The following NFAM1 variants were observed in gnomAD, a reference collection of about 807,000 sequenced individuals.
NFAM1 encodes NFAT activating protein with ITAM motif 1.
Under a neutral mutation model 29.0 loss-of-function variants are expected in NFAM1, and 17 were observed. The ratio of observed to expected loss-of-function variants is 0.59; its 90% CI spans 0.40 to 0.88. The LOEUF is 0.88. NFAM1 is among the 40% of genes least tolerant of loss of function. The pLI is 0.00. For synonymous variants in NFAM1, 175 were observed against 147.2 expected, an observed-to-expected ratio of 1.19 and a Z score of -1.36; for missense variants, 324 against 344.6, an observed-to-expected ratio of 0.94 and a Z score of 0.47.
intron 2 of NFAM1, among the ~76,000 whole-genome samples, chr22:42,410,890 C>T (rs1231068538): frequency 6.6e-6 from 1 of 152,164 alleles, no homozygotes; most frequent in Admixed American, 6.5e-5. Context: ...GATCTGCATG[C>T]CCGGCCCTGC....
chr22:42,390,845 A>T (rs1372623870), intron 4 of NFAM1, among the ~76,000 whole-genome samples: 2 of 145,964 alleles, frequency 1.4e-5, no homozygotes, highest in African/African-American at 2.5e-5. Context: ...AAGAGGGAGC[A>T]GCCGTGGCCA....
At chr22:42,413,021 C>A (rs1218816993) in intron 1 of NFAM1, among the ~76,000 whole-genome samples, 1 of 152,198 alleles carries the variant, frequency 6.6e-6, no homozygotes, top group East Asian at 1.9e-4. Context: ...CTGTTTGGAT[C>A]CTGGGCTGGG....
intron 2 of NFAM1, 22 bp downstream of exon 2, chr22:42,411,385 A>G (rs376924062): frequency 6.0e-5 from 95 of 1,584,238 alleles, no homozygotes; most frequent in Non-Finnish European, 7.5e-5. Flanking sequence ...TTGCCCTGGA[A>G]GAGCCACAGA....
At position 42,411,494 on chromosome 22, in the gene NFAM1, C is replaced by T; in HGVS notation, c.364G>A (p.Gly122Arg). Reference sequence around the variant, plus strand: ...TAGTAGGTGCCAGTGGCCGATGCTCCCGGCAGCACAAGGGTGACCTGGCAG... The same window carrying T: ...TAGTAGGTGCCAGTGGCCGATGCTCTCGGCAGCACAAGGGTGACCTGGCAG... ...LDCQVTLVLP[G>R]ASATGTYYCS... is the part of the protein sequence containing the mutation. The change falls in exon 2 of 6, where the codon GGA becomes AGA. Residue 122 changes from glycine to arginine, a missense_variant. Transcript: ENST00000329021. 1 of 1,614,148 alleles carries T rather than the reference C, an allele frequency of 6.2e-7. No individual in the cohort carries two copies. The highest frequency in any genetic ancestry group is 8.5e-7 in the Non-Finnish European group (1 of 1,180,022).
At chr22:42,416,833 C>T (rs747290851) in intron 1 of NFAM1, among the ~76,000 whole-genome samples, 4 of 152,186 alleles carry the variant, frequency 2.6e-5, no homozygotes, top group Admixed American at 6.5e-5. Context: ...CATGGGATAA[C>T]GTGGTCCGGG....
rs903069430 is a variant in NFAM1 at position 42,419,918 on chromosome 22, G to C, written c.122-8182C>G. On this transcript the variant is annotated intron_variant, in intron 1 of 5. Coordinates refer to ENST00000329021, the MANE Select transcript of NFAM1 (RefSeq NM_145912.8). The surrounding 1 kb of genome is among the most constrained non-coding windows in gnomAD (Gnocchi z 4.5). ...AAACTGAGGCTCAGAGAAGGCAAGAGGTTTGCCCAAATTGCAGTGGTAGAC... is the reference window on the plus strand; with the variant it reads ...AAACTGAGGCTCAGAGAAGGCAAGACGTTTGCCCAAATTGCAGTGGTAGAC... Among the ~76,000 whole-genome samples the C allele has an allele frequency of 1.3e-5, 2 of 150,318 alleles. No homozygotes were observed. Among genetic ancestry groups the C allele is most frequent in the African/African-American group, 2.4e-5 (1 of 40,994 alleles).
intron 1 of NFAM1, among the ~76,000 whole-genome samples, chr22:42,425,586 C>T (rs1281166604): frequency 6.6e-6 from 1 of 152,184 alleles, no homozygotes; most frequent in African/African-American, 2.4e-5. Flanking sequence ...TCCTGCCCGC[C>T]ACAGGATGCT....
chr22:42,435,339 CT>C (rs1930912979), upstream of NFAM1, among the ~76,000 whole-genome samples: 5 of 135,066 alleles, frequency 3.7e-5, no homozygotes, highest in African/African-American at 1.6e-4. Context: ...TTTTCTTTTT[CT>C]TTTCTTTCTT....
At chr22:42,392,305 T>C (rs2147093132) in intron 4 of NFAM1, among the ~76,000 whole-genome samples, 1 of 151,960 alleles carries the variant, frequency 6.6e-6, no homozygotes, top group African/African-American at 2.4e-5. Flanking sequence ...GAAAGTGTGT[T>C]TGAGGAGGAG....
At chr22:42,422,986 G>A (rs568823811) in intron 1 of NFAM1, among the ~76,000 whole-genome samples, 6 of 151,930 alleles carry the variant, frequency 3.9e-5, no homozygotes, top group Admixed American at 1.3e-4. Flanking sequence ...GGTGGCGGGC[G>A]CCTGTAATCC....
At chr22:42,414,557 A>AT (rs111849577) in intron 1 of NFAM1, among the ~76,000 whole-genome samples, 4,388 of 147,352 alleles carry the variant, frequency 0.03, 204 homozygotes, top group African/African-American at 0.1. Flanking sequence ...TGGGCATCAA[A>AT]TTTTTTTTTT....
At chr22:42,413,563 G>A (rs975861331) in intron 1 of NFAM1, among the ~76,000 whole-genome samples, 2 of 151,930 alleles carry the variant, frequency 1.3e-5, no homozygotes, top group Non-Finnish European at 2.9e-5. Context: ...ATTGCTTGAG[G>A]CCTGGAGTTC....
At chr22:42,397,993 G>C (rs1438959447) in intron 3 of NFAM1, 37 bp from the exon 4 acceptor site, 1 of 1,185,612 alleles carries the variant, frequency 8.4e-7, no homozygotes, top group Non-Finnish European at 1.2e-6. Flanking sequence ...GGGATGAGTG[G>C]CTCTCGTCTT....
intron 1 of NFAM1, among the ~76,000 whole-genome samples, chr22:42,429,112 G>A (rs1184650632): frequency 2.0e-5 from 3 of 152,204 alleles, no homozygotes; most frequent in Admixed American, 6.5e-5. Context: ...GCTGGAGGCC[G>A]TGGGCTCACC....
intron 4 of NFAM1, among the ~76,000 whole-genome samples, chr22:42,390,564 C>A (rs772806119): frequency 6.6e-6 from 1 of 152,084 alleles, no homozygotes; most frequent in Non-Finnish European, 1.5e-5. Flanking sequence ...CCCCTGTAAT[C>A]CCAGCACTTT....
At chr22:42,411,788 T>C in intron 1 of NFAM1, 52 bp from the exon 2 acceptor site, 1 of 1,293,548 alleles carries the variant, frequency 7.7e-7, no homozygotes, top group Non-Finnish European at 1.1e-6. Context: ...GCTGCCTCAG[T>C]CCCACCCACT....
chr22:42,404,147 C>A (rs895776584), intron 3 of NFAM1, among the ~76,000 whole-genome samples: 2 of 152,142 alleles, frequency 1.3e-5, no homozygotes, highest in Non-Finnish European at 2.9e-5. Flanking sequence ...GAGCTCCGTG[C>A]CCTCCCTGCT....
Position 42,399,478 on chromosome 22 carries a change from AAG to A in NFAM1, c.565-1524_565-1523del, listed in dbSNP as rs1000499325. Among the ~76,000 whole-genome samples, 13 of 149,894 alleles carry A rather than the reference AAG, an allele frequency of 8.7e-5. No homozygotes were observed. The East Asian group carries it at 1.9e-3, about 22-fold the overall frequency. On this transcript the variant is annotated intron_variant, in intron 3 of 5. Coordinates refer to ENST00000329021, the MANE Select transcript of NFAM1 (RefSeq NM_145912.8). ...AAAAAAAAAAAGAAAGAAAGAAAAA[AAG>A]AGAGAGAGAGAGAAGGTCAGTGTGT... is the stretch of plus-strand genomic sequence containing the variant.
rs1198983016 is a variant in NFAM1, at chr22:42,383,872, AGG to A, written c.*1287_*1288del. ...CAGGGAGACATGGGGGAGCAGAGGG[AGG>A]AAGCAGAGCCCAACAGCCCGGGGCA... On this transcript the variant is annotated 3_prime_UTR_variant, in exon 6 of 6. Transcript: ENST00000329021. The A allele has an allele frequency of 3.3e-5, 5 of 152,784 alleles. No homozygotes were observed. Among genetic ancestry groups the A allele is most frequent in the African/African-American group, 1.2e-4 (5 of 41,430 alleles). The allele number at this position is 152,784 out of a possible 1,614,324, so 9.5% of individuals were successfully genotyped here. A position where few individuals can be genotyped will look rare whatever the true frequency, so the allele number is the denominator to read the frequency against.
Sources: allele counts gnomAD v4.1 joint callset (sites outside exome capture counted in the v4.1 genomes callset), GRCh38; gene constraint gnomAD v4.1.1; non-coding constraint Gnocchi (gnomAD v3.1); transcripts MANE v1.5; gene names NCBI Gene and HGNC (gene_info 2026-07-23, HGNC 2026-07-21).